XYLT1: variants seen among roughly 807,000 people sequenced by gnomAD.
The protein encoded by XYLT1 is xylosyltransferase 1, also known as beta-D-xylosyltransferase 1.
Under a neutral mutation model 91.3 loss-of-function variants are expected in XYLT1, and 36 were observed. The observed-to-expected ratio is 0.39, with a 90% CI of 0.30 to 0.52. The LOEUF is 0.52. Ranked by LOEUF, XYLT1 falls within the 20% of genes least tolerant of loss-of-function variation. The pLI, the probability that XYLT1 is intolerant of heterozygous loss-of-function variation, is 0.68. For missense variants in XYLT1, 1,242 were observed against 1,284.5 expected (o/e 0.97, Z 0.51); for synonymous variants, 588 against 532.0 (o/e 1.11, Z -1.45).
chr16:17,174,927 C>T (rs1597169563), intron 5 of XYLT1, among the ~76,000 whole-genome samples: 1 of 152,094 alleles, frequency 6.6e-6, no homozygotes. Context: ...TGCACCACCA[C>T]ATCTGGCTAA....
intron 1 of XYLT1, among the ~76,000 whole-genome samples, chr16:17,363,036 G>A (rs1333327416): frequency 6.6e-6 from 1 of 152,204 alleles, no homozygotes; most frequent in Non-Finnish European, 1.5e-5. Flanking sequence ...AAAAGATGGT[G>A]TCTCACTGTC....
At chr16:17,406,056 A>G (rs991519229) in intron 1 of XYLT1, among the ~76,000 whole-genome samples, 6 of 152,112 alleles carry the variant, frequency 3.9e-5, no homozygotes, top group Admixed American at 2.6e-4. Context: ...GTGGTGGTGC[A>G]TGCCTGTAAT....
At chr16:17,425,787 C>A (rs1250634120) in intron 1 of XYLT1, among the ~76,000 whole-genome samples, 1 of 152,138 alleles carries the variant, frequency 6.6e-6, no homozygotes, top group Non-Finnish European at 1.5e-5. Context: ...GTCCTGAATG[C>A]CCTTCCTGCT....
chr16:17,449,645 T>C (rs1019886876), intron 1 of XYLT1, among the ~76,000 whole-genome samples: 25 of 152,238 alleles, frequency 1.6e-4, no homozygotes, highest in Admixed American at 3.3e-4. Context: ...AAGCATTAAA[T>C]ATAAAACGCC....
chr16:17,181,866 A>C (rs968060552), intron 5 of XYLT1, among the ~76,000 whole-genome samples: 1 of 152,078 alleles, frequency 6.6e-6, no homozygotes, highest in Non-Finnish European at 1.5e-5. Flanking sequence ...ACAGTAAGCT[A>C]AGGTCTCCCT....
At chr16:17,278,436 T>C (rs2034010216) in intron 2 of XYLT1, among the ~76,000 whole-genome samples, 1 of 152,188 alleles carries the variant, frequency 6.6e-6, no homozygotes, top group Non-Finnish European at 1.5e-5. Flanking sequence ...TCACTACCTC[T>C]TCCTTTAAGG....
Position 17,354,166 on chromosome 16 carries a change from G to A in XYLT1, c.402+3846C>T, listed in dbSNP as rs530030070. ...CAGTCACCATCTGGAGACCAGAGGA[G>A]CATTCATCACTGCAAGTCAGGGCTT... is the stretch of plus-strand genomic sequence containing the variant. On this transcript the variant is annotated intron_variant, in intron 2 of 11. Transcript: ENST00000261381. Among the ~76,000 whole-genome samples, 7 of 152,284 alleles carry A rather than the reference G, an allele frequency of 4.6e-5. No individual in the cohort carries two copies. In the South Asian group the frequency reaches 8.3e-4, roughly 18 times the overall value.
At chr16:17,417,018 A>C (rs2036188008) in intron 1 of XYLT1, among the ~76,000 whole-genome samples, 1 of 152,104 alleles carries the variant, frequency 6.6e-6, no homozygotes, top group South Asian at 2.1e-4. Flanking sequence ...CCAGGACTAC[A>C]CTTAACAGTT....
intron 2 of XYLT1, among the ~76,000 whole-genome samples, chr16:17,297,468 C>T (rs555165052): frequency 1.3e-5 from 2 of 152,076 alleles, no homozygotes; most frequent in East Asian, 3.9e-4. Context: ...GTAATCCCAG[C>T]ACTCTAGGAA....
At chr16:17,335,934 C>T (rs1373826844) in intron 2 of XYLT1, among the ~76,000 whole-genome samples, 4 of 152,262 alleles carry the variant, frequency 2.6e-5, no homozygotes, top group South Asian at 2.1e-4. Flanking sequence ...TCTATAAAGT[C>T]TGTGGAGTTA....
chr16:17,125,690 A>C (rs1167100752), intron 10 of XYLT1, among the ~76,000 whole-genome samples: 6 of 152,150 alleles, frequency 3.9e-5, no homozygotes, highest in Non-Finnish European at 7.3e-5. Flanking sequence ...AGTCCCCAGC[A>C]ATCACATGAA....
chr16:17,251,575 T>C (rs1022425318), intron 3 of XYLT1, among the ~76,000 whole-genome samples: 2 of 152,168 alleles, frequency 1.3e-5, no homozygotes, highest in Non-Finnish European at 2.9e-5. Flanking sequence ...AGGGCCTTTC[T>C]TGGGACATTT....
At chr16:17,362,602 G>T (rs1232070164) in intron 1 of XYLT1, among the ~76,000 whole-genome samples, 1 of 152,182 alleles carries the variant, frequency 6.6e-6, no homozygotes. Flanking sequence ...AAGGCCAAAG[G>T]CTTAATTTTA....
In XYLT1 at chr16:17,235,215, C is replaced by T. The variant is rs115673288; in HGVS notation, c.913+23773G>A. ...CAGAGGGAAAAGCTCCCTTATCTCA[C>T]ACAAGTCAGACAAAGCTGTTCAAGT... On this transcript the variant is annotated intron_variant, in intron 3 of 11. Transcript: ENST00000261381. Among the ~76,000 whole-genome samples, 885 of 151,902 alleles carry T rather than the reference C, an allele frequency of 5.8e-3. 12 individuals carry two copies. The highest frequency in any genetic ancestry group is 0.018 in the African/African-American group (761 of 41,430).
intron 2 of XYLT1, among the ~76,000 whole-genome samples, chr16:17,291,851 G>T (rs2034231942): frequency 6.6e-6 from 1 of 152,092 alleles, no homozygotes; most frequent in Non-Finnish European, 1.5e-5. Context: ...AAAACACAGT[G>T]TGGGGACGAG....
chr16:17,399,425 A>C (rs941708977), intron 1 of XYLT1, among the ~76,000 whole-genome samples: 2 of 152,144 alleles, frequency 1.3e-5, no homozygotes, highest in Non-Finnish European at 2.9e-5. Flanking sequence ...TGAGAGCAGG[A>C]GGGAAGCCCT....
chr16:17,429,017 C>T (rs773843630), intron 1 of XYLT1, among the ~76,000 whole-genome samples: 48 of 152,178 alleles, frequency 3.2e-4, no homozygotes, highest in Admixed American at 6.5e-4. Flanking sequence ...GCTCAAAAGA[C>T]TCAGGGACCT....
rs561292105 is a variant in XYLT1, at chr16:17,242,453, C to T, written c.913+16535G>A. 2.6e-4 allele frequency among the ~76,000 whole-genome samples: 39 copies of T among 152,254 alleles called. 1 individual carries two copies. The highest frequency in any genetic ancestry group is 2.5e-3 in the South Asian group (12 of 4,826). On this transcript the variant is annotated intron_variant, in intron 3 of 11. Coordinates refer to ENST00000261381, the MANE Select transcript of XYLT1 (RefSeq NM_022166.4). The stretch of plus-strand genomic sequence containing the variant: ...CTCAAGACCCATCCAGGGCTCCCTA[C>T]GACCCTAGAGTAAAGGTCAAATGAC...
Position 17,259,097 on chromosome 16 carries a change from C to G in XYLT1, c.804G>C (p.Leu268=). 1 of 1,559,944 alleles carries G rather than the reference C, an allele frequency of 6.4e-7. No individual in the cohort carries two copies. ...DISGKEAISA[L]SRAKSKHCRQ... Reference sequence around the variant, plus strand: ...GGCAGTGCTTGGACTTAGCACGGGACAGGGCAGAGATGGCCTCCTTGCCTG... The same window carrying G: ...GGCAGTGCTTGGACTTAGCACGGGAGAGGGCAGAGATGGCCTCCTTGCCTG... Residue 268 remains leucine (L), a synonymous_variant, in exon 3 of 12, where the codon CTG becomes CTC. Coordinates refer to ENST00000261381, the MANE Select transcript of XYLT1 (RefSeq NM_022166.4).
Sources: gnomAD v4.1 joint callset for allele counts (sites outside exome capture counted in the v4.1 genomes callset) on GRCh38, gnomAD v4.1.1 for gene constraint, MANE v1.5 for transcripts, NCBI Gene and HGNC (gene_info 2026-07-23, HGNC 2026-07-21) for gene names.